PRR14L: variants seen among roughly 807,000 people sequenced by gnomAD.
PRR14L encodes protein PRR14L.
In PRR14L, 80 loss-of-function variants were observed where a neutral mutation model predicts 155.0. The ratio of observed to expected loss-of-function variants is 0.52; its 90% CI spans 0.43 to 0.62. PRR14L has a LOEUF of 0.62. PRR14L is among the 20% of genes least tolerant of loss of function. The pLI is 0.00. For missense variants in PRR14L, 2,469 were observed against 2,548.0 expected, an observed-to-expected ratio of 0.97 and a Z score of 0.67; for synonymous variants, 883 against 916.0, an observed-to-expected ratio of 0.96 and a Z score of 0.65.
rs377283849 is a variant in PRR14L at position 31,716,071 on chromosome 22, G to A, written c.1768C>T (p.Pro590Ser). ...QISPVSEVLK[P>S]KQGTALLLPS... ...AGCAACAGAGCAGTACCTTGCTTGG[G>A]TTTTAATACCTCACTTACAGGACTT... is the stretch of plus-strand genomic sequence containing the variant. Residue 590 changes from proline (P) to serine (S), a missense_variant, in exon 4 of 9, where the codon CCC becomes TCC. By Grantham distance (74) the Pro-to-Ser change is moderately conservative. Around this residue, in one of 2 missense-constraint regions of PRR14L, gnomAD observed 2,363 missense variants for 2,371.6 expected, o/e 1.00. Coordinates refer to ENST00000327423, the MANE Select transcript of PRR14L (RefSeq NM_173566.3). The A allele has an allele frequency of 4.5e-5, 70 of 1,550,798 alleles. No individual in the cohort carries two copies. In the African/African-American group the frequency reaches 8.5e-4, roughly 19 times the overall value.
intron 2 of PRR14L, among the ~76,000 whole-genome samples, chr22:31,727,084 T>C (rs890403399): frequency 1.3e-5 from 2 of 152,192 alleles, no homozygotes; most frequent in Non-Finnish European, 2.9e-5. Context: ...AATGAAATCT[T>C]AGTGGATCCA....
chr22:31,743,332 G>C (rs1480152577), intron 1 of PRR14L, among the ~76,000 whole-genome samples: 1 of 152,024 alleles, frequency 6.6e-6, no homozygotes, highest in African/African-American at 2.4e-5. Flanking sequence ...TGGAGAAATT[G>C]GGAGTGACAG....
intron 2 of PRR14L, among the ~76,000 whole-genome samples, chr22:31,734,408 T>G (rs975436558): frequency 1.3e-5 from 2 of 152,254 alleles, no homozygotes; most frequent in Non-Finnish European, 2.9e-5. Context: ...GTCTTTTGAC[T>G]GTGGGATATT....
Position 31,685,800 on chromosome 22 carries a change from A to G in PRR14L, c.6183T>C (p.Cys2061=), listed in dbSNP as rs763422485. The change falls in exon 9 of 9, where the codon TGT becomes TGC. Residue 2061 remains cysteine (C), a synonymous_variant. Coordinates refer to ENST00000327423, the MANE Select transcript of PRR14L (RefSeq NM_173566.3). The part of the protein sequence containing the change: ...KNYKSPPANR[C]LETIFEEPKE... ...TGGGTTCCTCAAAGATGGTCTCTAA[A>G]CACCTAAGGATGAAGCACGAAACAA... 40 of 1,551,344 alleles carry G rather than the reference A, an allele frequency of 2.6e-5. 1 individual carries two copies. In the South Asian group the frequency reaches 4.3e-4, roughly 17 times the overall value.
intron 7 of PRR14L, among the ~76,000 whole-genome samples, chr22:31,698,075 G>A (rs1347818151): frequency 7.1e-6 from 1 of 141,482 alleles, no homozygotes; most frequent in Non-Finnish European, 1.5e-5. Flanking sequence ...TTTTTTTTGA[G>A]ATGGAGTGGC....
At chr22:31,741,709 T>C (rs888369227) in intron 1 of PRR14L, among the ~76,000 whole-genome samples, 7 of 151,874 alleles carry the variant, frequency 4.6e-5, no homozygotes, top group African/African-American at 1.7e-4. Context: ...CTGTCTCTAC[T>C]AAAAATATAA....
rs1367539154 is a variant in PRR14L at position 31,713,787 on chromosome 22, A to C, written c.4052T>G (p.Val1351Gly). The C allele has an allele frequency of 6.4e-7, 1 of 1,552,336 alleles. No individual in the cohort carries two copies. The change falls in exon 4 of 9, where the codon GTT (valine) becomes GGT (glycine). Residue 1351 changes from valine to glycine, a missense_variant. By Grantham distance (109) the Val-to-Gly change is moderately radical. Around this residue, in one of 2 missense-constraint regions of PRR14L, gnomAD observed 2,363 missense variants for 2,371.6 expected, o/e 1.00. Transcript: ENST00000327423. ...AACCAACTCCTCAGATTGCTCCCCAACAGTTAAGTAACCCAGTCGTCCCCT... is the reference window on the plus strand; with the variant it reads ...AACCAACTCCTCAGATTGCTCCCCACCAGTTAAGTAACCCAGTCGTCCCCT... ...HQRGRLGYLT[V>G]GEQSEELVTR...
chr22:31,683,379 G>C lies in PRR14L; in HGVS notation c.*2148C>G, dbSNP rs917539582. The C allele has an allele frequency of 6.6e-6, 1 of 152,246 alleles. No homozygotes were observed. Among genetic ancestry groups the C allele is most frequent in the African/African-American group, 2.4e-5 (1 of 41,442 alleles). The allele number at this position is 152,246 out of a possible 1,614,324, so 9.4% of individuals were successfully genotyped here. A position where few individuals can be genotyped will look rare whatever the true frequency, so the allele number is the denominator to read the frequency against. On this transcript the variant is annotated 3_prime_UTR_variant, in exon 9 of 9. Transcript: ENST00000327423. The stretch of plus-strand genomic sequence containing the variant: ...TCACTGCTAGTCTGCAACCTGTCCA[G>C]TAGGAGCTCCTTAAACATGCCTGGA...
At position 31,716,480 on chromosome 22, in the gene PRR14L, T is replaced by C. The variant is rs1259482409; in HGVS notation, c.1359A>G (p.Thr453=). ...HNNCIQDSLH[T]GNSSSLMPNS... Reference sequence around the variant, plus strand: ...TGGGCATTAAAGAACTAGAGTTCCCTGTATGGAGACTGTCTTGAATGCAGT... The same window carrying C: ...TGGGCATTAAAGAACTAGAGTTCCCCGTATGGAGACTGTCTTGAATGCAGT... The change falls in exon 4 of 9, where the codon ACA becomes ACG. Residue 453 remains threonine (T), a synonymous_variant. Coordinates refer to ENST00000327423, the MANE Select transcript of PRR14L (RefSeq NM_173566.3). 3.9e-6 allele frequency: 6 copies of C among 1,550,106 alleles called. No homozygotes were observed. Among genetic ancestry groups the C allele is most frequent in the East Asian group, 2.4e-5 (1 of 40,926 alleles).
chr22:31,735,703 C>G (rs1045776632), intron 2 of PRR14L, among the ~76,000 whole-genome samples: 1 of 150,366 alleles, frequency 6.7e-6, no homozygotes, highest in Non-Finnish European at 1.5e-5. Flanking sequence ...AGAAGTAACA[C>G]AATAGGAACT....
chr22:31,726,186 CTG>C (rs1191815603), intron 2 of PRR14L, among the ~76,000 whole-genome samples: 1 of 151,758 alleles, frequency 6.6e-6, no homozygotes, highest in Non-Finnish European at 1.5e-5. Context: ...TGAGCCAAGA[CTG>C]TGCGCGCTGT....
chr22:31,714,644 T>G lies in PRR14L; in HGVS notation c.3195A>C (p.Ala1065=), dbSNP rs1470424527. ...IVYTDCSNKL[A]EGVLDVKASN... ...ATGCCTTCACGTCCAGCACACCTTC[T>G]GCAAGCTTATTACTACAGTCCGTGT... Residue 1065 remains alanine, a synonymous_variant, in exon 4 of 9, where the codon GCA becomes GCC. Coordinates refer to ENST00000327423, the MANE Select transcript of PRR14L (RefSeq NM_173566.3). 1 of 1,552,184 alleles carries G rather than the reference T, an allele frequency of 6.4e-7. No individual in the cohort carries two copies. The highest frequency in any genetic ancestry group is 8.7e-7 in the Non-Finnish European group (1 of 1,147,090).
chr22:31,692,519 T>C (rs1252130528), intron 7 of PRR14L, among the ~76,000 whole-genome samples: 1 of 152,230 alleles, frequency 6.6e-6, no homozygotes, highest in Non-Finnish European at 1.5e-5. Context: ...ATATGGGTTA[T>C]TGTCTTTTGG....
chr22:31,716,112 A>G lies in PRR14L; in HGVS notation c.1727T>C (p.Met576Thr). 1 of 1,551,358 alleles carries G rather than the reference A, an allele frequency of 6.4e-7. No individual in the cohort carries two copies. Among genetic ancestry groups the G allele is most frequent in the African/African-American group, 1.4e-5 (1 of 73,184 alleles). Reference protein sequence around the residue: ...LFERKSIVSLMPEDQISPVSE... With the variant: ...LFERKSIVSLTPEDQISPVSE... ...TACAGGACTTATTTGATCCTCTGGC[A>G]TTAAACTCACAATGGATTTTCTTTC... Residue 576 changes from methionine to threonine, a missense_variant, in exon 4 of 9, where the codon ATG becomes ACG. By Grantham distance (81) the Met-to-Thr change is moderately conservative. Coordinates refer to ENST00000327423, the MANE Select transcript of PRR14L (RefSeq NM_173566.3).
Position 31,685,440 on chromosome 22 carries a change from C to T in PRR14L, c.*87G>A. 2 of 1,171,050 alleles carry T rather than the reference C, an allele frequency of 1.7e-6. No individual in the cohort carries two copies. The highest frequency in any genetic ancestry group is 2.3e-6 in the Non-Finnish European group (2 of 876,654). 72.5% of individuals were successfully genotyped at this position (1,171,050 alleles called of 1,614,324 possible). On this transcript the variant is annotated 3_prime_UTR_variant, in exon 9 of 9. Coordinates refer to ENST00000327423, the MANE Select transcript of PRR14L (RefSeq NM_173566.3). The stretch of plus-strand genomic sequence containing the variant: ...TAGGGCAAAATTAGGCAACCTTTTC[C>T]AAGGAGGTCCAAAAAAAAAAAAAAA...
chr22:31,702,223 A>AT (rs985827729), intron 6 of PRR14L, among the ~76,000 whole-genome samples: 1 of 145,384 alleles, frequency 6.9e-6, no homozygotes, highest in African/African-American at 2.6e-5. Flanking sequence ...TGCTTTTTTT[A>AT]TTATTTATTT....
intron 2 of PRR14L, among the ~76,000 whole-genome samples, chr22:31,728,588 G>A (rs2074730419): frequency 6.6e-6 from 1 of 151,256 alleles, no homozygotes; most frequent in Admixed American, 6.6e-5. Flanking sequence ...ACTCCAGCCT[G>A]GGTGACAGAG....
chr22:31,724,683 C>T (rs2074707674), intron 3 of PRR14L, among the ~76,000 whole-genome samples: 1 of 152,184 alleles, frequency 6.6e-6, no homozygotes, highest in African/African-American at 2.4e-5. Flanking sequence ...CAGACGTGAG[C>T]CACTGTGCCC....
In PRR14L at chr22:31,716,989, G is replaced by C; in HGVS notation, c.850C>G (p.Pro284Ala). 6.4e-7 allele frequency: 1 copy of C among 1,551,734 alleles called. No homozygotes were observed. The highest frequency in any genetic ancestry group is 2.4e-5 in the East Asian group (1 of 40,920). Residue 284 changes from proline (P) to alanine (A), a missense_variant, in exon 4 of 9, where the codon CCA becomes GCA. Pro to Ala is a conservative substitution (Grantham distance 27, BLOSUM62 -1). This residue lies in a region of PRR14L where 2,363 missense variants were observed against 2,371.6 expected (regional missense o/e 1.00). Transcript: ENST00000327423. ...ACATTAGAAATGGCACTGTTTCCTGGTAATGACAACCAAGGACAACTTTTT... is the reference window on the plus strand; with the variant it reads ...ACATTAGAAATGGCACTGTTTCCTGCTAATGACAACCAAGGACAACTTTTT... ...ELKSCPWLSL[P>A]GNSAISNVDN...
Sources: gnomAD v4.1 joint callset for allele counts (sites outside exome capture counted in the v4.1 genomes callset) on GRCh38, gnomAD v4.1.1 for gene constraint, gnomAD v4.1.1 regional missense constraint, MANE v1.5 for transcripts, NCBI Gene and HGNC (gene_info 2026-07-23, HGNC 2026-07-21) for gene names.